The following IL1RAPL2 variants were observed in gnomAD, a reference collection of about 807,000 sequenced individuals.
The protein encoded by IL1RAPL2 is interleukin 1 receptor accessory protein like 2, also known as X-linked interleukin-1 receptor accessory protein-like 2.
Under a neutral mutation model 44.1 loss-of-function variants are expected in IL1RAPL2, and 3 were observed. The observed-to-expected ratio is 0.07, with a 90% CI of 0.03 to 0.18. The LOEUF is 0.18. IL1RAPL2 is among the 10% of genes least tolerant of loss of function. The pLI is 1.00. For missense variants in IL1RAPL2, 391 were observed against 496.4 expected, an observed-to-expected ratio of 0.79 and a Z score of 2.02; for synonymous variants, 181 against 178.8, an observed-to-expected ratio of 1.01 and a Z score of -0.10.
At chrX:105,041,528 A>G (rs752381296) in intron 2 of IL1RAPL2, among the ~76,000 whole-genome samples, 10 of 110,256 alleles carry the variant, frequency 9.1e-5, no homozygotes, top group African/African-American at 3.3e-4. Context: ...AGGGACGTGA[A>G]GGACCTCTTC....
At chrX:104,869,084 A>G (rs1259742632) in intron 2 of IL1RAPL2, among the ~76,000 whole-genome samples, 2 of 111,877 alleles carry the variant, frequency 1.8e-5, no homozygotes, top group Non-Finnish European at 3.8e-5. Flanking sequence ...TTTCTGGCCA[A>G]TTCTTGAAGT....
At chrX:104,794,664 T>C (rs1839316702) in intron 2 of IL1RAPL2, among the ~76,000 whole-genome samples, 2 of 112,211 alleles carry the variant, frequency 1.8e-5, no homozygotes, top group Admixed American at 1.9e-4. Context: ...TTGATACGTG[T>C]GGAGGGATTT....
chrX:105,469,859 A>G lies in IL1RAPL2; in HGVS notation c.698-14454A>G, dbSNP rs186055491. Among the ~76,000 whole-genome samples, 371 of 111,458 alleles carry G rather than the reference A, an allele frequency of 3.3e-3. 1 individual carries two copies. Among genetic ancestry groups the G allele is most frequent in the African/African-American group, 0.012 (360 of 30,737 alleles). On this transcript the variant is annotated intron_variant, in intron 5 of 10. Coordinates refer to ENST00000372582, the MANE Select transcript of IL1RAPL2 (RefSeq NM_017416.2). ...TACATAAAGTTATTGAAAGCATTAA[A>G]TGAATTAATACTGGTGAAGTCCTTA...
chrX:104,773,802 C>G (rs1932677024), intron 2 of IL1RAPL2, among the ~76,000 whole-genome samples: 1 of 112,127 alleles, frequency 8.9e-6, no homozygotes, highest in Non-Finnish European at 1.9e-5. Context: ...GCCATCCAAT[C>G]AGACCTATTT....
chrX:104,692,197 ATAGTC>A (rs758007516), intron 2 of IL1RAPL2, among the ~76,000 whole-genome samples: 16 of 111,241 alleles, frequency 1.4e-4, no homozygotes, highest in East Asian at 5.7e-4. Flanking sequence ...TTCAGCAAAA[ATAGTC>A]TAGGTACTAC....
In IL1RAPL2 at chrX:105,288,371, C is replaced by T. The variant is rs779315675; in HGVS notation, c.697+20830C>T. On this transcript the variant is annotated intron_variant, in intron 5 of 10. Coordinates refer to ENST00000372582, the MANE Select transcript of IL1RAPL2 (RefSeq NM_017416.2). ...TAAATCATATTGGGGTAAATTAAATCCTACTTTAAATGAACTGAGTCATTT... is the reference window on the plus strand; with the variant it reads ...TAAATCATATTGGGGTAAATTAAATTCTACTTTAAATGAACTGAGTCATTT... Among the ~76,000 whole-genome samples the T allele has an allele frequency of 6.5e-5, 7 of 107,906 alleles. No homozygotes were observed. The East Asian group carries it at 1.8e-3, about 27-fold the overall frequency. The allele number at this position is 107,906 out of a possible 115,157, so 93.7% of individuals were successfully genotyped here.
chrX:105,721,645 C>T (rs2038305803), intron 7 of IL1RAPL2, among the ~76,000 whole-genome samples: 1 of 111,380 alleles, frequency 9.0e-6, no homozygotes, highest in African/African-American at 3.3e-5. Flanking sequence ...AACATATATA[C>T]ATGAGTTGGA....
intron 5 of IL1RAPL2, among the ~76,000 whole-genome samples, chrX:105,375,530 T>G (rs1451349376): frequency 9.0e-6 from 1 of 110,819 alleles, no homozygotes; most frequent in Non-Finnish European, 1.9e-5. Flanking sequence ...AAACAAACAA[T>G]CAACAACAAC....
intron 5 of IL1RAPL2, among the ~76,000 whole-genome samples, chrX:105,370,164 C>T (rs2035326610): frequency 8.9e-6 from 1 of 111,818 alleles, no homozygotes; most frequent in African/African-American, 3.3e-5. Flanking sequence ...AGCCTGACTT[C>T]TATAGCAGAT....
At chrX:105,063,914 G>T (rs1339663019) in intron 2 of IL1RAPL2, among the ~76,000 whole-genome samples, 1 of 111,984 alleles carries the variant, frequency 8.9e-6, no homozygotes, top group East Asian at 2.8e-4. Flanking sequence ...CCTTCTCTGT[G>T]CTGAGCCACC....
chrX:105,246,579 G>A (rs2147644375), intron 4 of IL1RAPL2, among the ~76,000 whole-genome samples: 1 of 111,698 alleles, frequency 9.0e-6, no homozygotes, highest in African/African-American at 3.3e-5. Context: ...CAGGAAGCAG[G>A]TAGTTGCTTA....
chrX:104,888,604 C>T (rs897010734), intron 2 of IL1RAPL2, among the ~76,000 whole-genome samples: 6 of 110,447 alleles, frequency 5.4e-5, no homozygotes, highest in Non-Finnish European at 1.1e-4. Flanking sequence ...TCCTAATTAC[C>T]TCTACAAGAC....
At chrX:105,542,191 C>T (rs745437543) in intron 6 of IL1RAPL2, among the ~76,000 whole-genome samples, 3 of 112,032 alleles carry the variant, frequency 2.7e-5, no homozygotes, top group African/African-American at 9.7e-5. Context: ...TCTGAATTTC[C>T]GTAATATTGT....
intron 2 of IL1RAPL2, among the ~76,000 whole-genome samples, chrX:105,174,757 C>T (rs1353155992): frequency 3.6e-5 from 4 of 111,634 alleles, no homozygotes; most frequent in African/African-American, 6.5e-5. Flanking sequence ...TCACCCTGTA[C>T]GCTCTGGCTG....
At chrX:104,749,394 A>G (rs1254508019) in intron 2 of IL1RAPL2, among the ~76,000 whole-genome samples, 6 of 111,187 alleles carry the variant, frequency 5.4e-5, no homozygotes, top group African/African-American at 2.0e-4. Flanking sequence ...CCTTGGGGGC[A>G]CTGAGGGTTT....
intron 1 of IL1RAPL2, among the ~76,000 whole-genome samples, chrX:104,619,499 G>A (rs746134166): frequency 1.3e-3 from 141 of 111,818 alleles, no homozygotes; most frequent in African/African-American, 4.3e-3. Context: ...TGTCACGGGG[G>A]CTGTTTGCCA....
intron 2 of IL1RAPL2, among the ~76,000 whole-genome samples, chrX:105,033,787 G>T (rs2031563493): frequency 8.9e-6 from 1 of 111,932 alleles, no homozygotes; most frequent in Non-Finnish European, 1.9e-5. Flanking sequence ...CTAGATTGGG[G>T]AAGTTCTCCT....
intron 2 of IL1RAPL2, among the ~76,000 whole-genome samples, chrX:105,166,606 C>T (rs1471721156): frequency 8.9e-6 from 1 of 112,010 alleles, no homozygotes; most frequent in Non-Finnish European, 1.9e-5. Context: ...TGATACTGTC[C>T]CCTATTGCAA....
chrX:104,666,317 G>T (rs1930487845), intron 2 of IL1RAPL2, among the ~76,000 whole-genome samples: 1 of 111,948 alleles, frequency 8.9e-6, no homozygotes, highest in African/African-American at 3.2e-5. Context: ...TATGACACTG[G>T]TTCTCTTTAA....
Sources: allele counts gnomAD v4.1 joint callset (sites outside exome capture counted in the v4.1 genomes callset), GRCh38; gene constraint gnomAD v4.1.1; transcripts MANE v1.5; gene names NCBI Gene and HGNC (gene_info 2026-07-23, HGNC 2026-07-21).